The following SLC24A2 variants were observed in gnomAD, a reference collection of about 807,000 sequenced individuals.
SLC24A2 encodes the protein solute carrier family 24 member 2.
A neutral mutation model predicts 62.0 loss-of-function variants in SLC24A2; 36 were observed. That is an observed-to-expected ratio of 0.58 (90% CI 0.44 to 0.77). The LOEUF (loss-of-function observed/expected upper bound fraction) is 0.77, where lower values mean the gene tolerates loss of function less well. Ranked by LOEUF, SLC24A2 falls within the 30% of genes least tolerant of loss-of-function variation. SLC24A2 has a pLI of 0.00. For synonymous variants in SLC24A2, 358 were observed against 294.0 expected (o/e 1.22, Z -2.23); for missense variants, 846 against 817.9 (o/e 1.03, Z -0.42).
chr9:20,074,490 T>C, the SLC24A2 span, among the ~76,000 whole-genome samples: 1 of 151,318 alleles, frequency 6.6e-6, no homozygotes. Flanking sequence ...TTTGCAGCTA[T>C]AATTTGGCAG....
the SLC24A2 span, among the ~76,000 whole-genome samples, chr9:19,919,367 A>G: frequency 2.0e-5 from 3 of 152,170 alleles, no homozygotes; most frequent in South Asian, 2.1e-4. Context: ...GTTAAGCTCA[A>G]TCTTGGACAT....
At chr9:20,087,194 A>G in the SLC24A2 span, among the ~76,000 whole-genome samples, 1 of 152,228 alleles carries the variant, frequency 6.6e-6, no homozygotes, top group Non-Finnish European at 1.5e-5. Flanking sequence ...AAATGTGGAC[A>G]TTAATTAATT....
At chr9:20,268,823 C>A in the SLC24A2 span, among the ~76,000 whole-genome samples, 2 of 152,142 alleles carry the variant, frequency 1.3e-5, no homozygotes, top group Admixed American at 6.5e-5. Flanking sequence ...AGACTCATTG[C>A]AGGCAGTCTC....
chr9:20,177,619 G>A, the SLC24A2 span, among the ~76,000 whole-genome samples: 2 of 152,042 alleles, frequency 1.3e-5, no homozygotes, highest in South Asian at 2.1e-4. Context: ...AGTGTATCCT[G>A]GAGTAGCTAT....
At chr9:19,815,897 T>A in the SLC24A2 span, among the ~76,000 whole-genome samples, 1 of 151,632 alleles carries the variant, frequency 6.6e-6, no homozygotes, top group Non-Finnish European at 1.5e-5. Flanking sequence ...GGAGTATAAG[T>A]ATTAATAATT....
chr9:19,671,605 G>A (rs563487261), intron 2 of SLC24A2, among the ~76,000 whole-genome samples: 3 of 152,264 alleles, frequency 2.0e-5, no homozygotes, highest in Non-Finnish European at 4.4e-5. Flanking sequence ...AATAGAAGTA[G>A]TTAGAGTGGG....
At chr9:20,153,168 C>A in the SLC24A2 span, among the ~76,000 whole-genome samples, 1 of 151,900 alleles carries the variant, frequency 6.6e-6, no homozygotes, top group African/African-American at 2.4e-5. Context: ...TGCTCTGTAA[C>A]AATTTTTCTC....
chr9:19,935,090 C>A, the SLC24A2 span, among the ~76,000 whole-genome samples: 1 of 150,426 alleles, frequency 6.6e-6, no homozygotes, highest in Non-Finnish European at 1.5e-5. Flanking sequence ...TGTTGGTTCT[C>A]CCTTTAGTCA....
At chr9:20,300,245 T>G in the SLC24A2 span, among the ~76,000 whole-genome samples, 1 of 152,194 alleles carries the variant, frequency 6.6e-6, no homozygotes, top group African/African-American at 2.4e-5. Flanking sequence ...CCTTGAGCAT[T>G]TATCCTTTGT....
intron 2 of SLC24A2, among the ~76,000 whole-genome samples, chr9:19,653,660 T>C (rs1818862441): frequency 6.6e-6 from 1 of 152,232 alleles, no homozygotes; most frequent in Admixed American, 6.5e-5. Context: ...TAGACTTTTA[T>C]TCCAAGTCCT....
At position 19,786,017 on chromosome 9, in the gene SLC24A2, C is replaced by T. The variant is rs147283325; in HGVS notation, c.850G>A (p.Val284Ile). 1.9e-3 allele frequency: 3,005 copies of T among 1,614,030 alleles called. 6 individuals are homozygous for T. Among genetic ancestry groups the T allele is most frequent in the Non-Finnish European group, 2.3e-3 (2,742 of 1,179,934 alleles). ...FCYVVFMKFN[V>I]QVEKWVKQMI... ...TGCTTCACCCATTTTTCTACTTGGA[C>T]GTTGAATTTCATGAAAACCACATAG... Residue 284 changes from valine (V) to isoleucine (I), a missense_variant, in exon 2 of 11, where the codon GTC becomes ATC. By Grantham distance (29) the Val-to-Ile change is conservative. Coordinates refer to ENST00000341998, the MANE Select transcript of SLC24A2 (RefSeq NM_020344.4). This position sits in a 1 kb window ranked among gnomAD's most constrained non-coding sequence, Gnocchi z 5.0.
At chr9:20,025,572 T>C in the SLC24A2 span, among the ~76,000 whole-genome samples, 1 of 152,292 alleles carries the variant, frequency 6.6e-6, no homozygotes, top group South Asian at 2.1e-4. Context: ...TGCCCACACT[T>C]ATTAATCAGT....
chr9:19,786,988 T>A lies in SLC24A2; in HGVS notation c.-122A>T, dbSNP rs1165459080. ...GGGGTACTTTCACAATCAGGGATTG[T>A]TATGCTTCACAGGAAACTTTCATCA... On this transcript the variant is annotated 5_prime_UTR_variant, in exon 2 of 11. The change abolishes the stop of an existing upstream ORF in the 5' untranslated region. Coordinates refer to ENST00000341998, the MANE Select transcript of SLC24A2 (RefSeq NM_020344.4). The surrounding 1 kb of genome is among the most constrained non-coding windows in gnomAD (Gnocchi z 5.0). 2 of 1,458,090 alleles carry A rather than the reference T, an allele frequency of 1.4e-6. No homozygotes were observed. Among genetic ancestry groups the A allele is most frequent in the East Asian group, 4.6e-5 (2 of 43,180 alleles). The allele number at this position is 1,458,090 out of a possible 1,614,324, so 90.3% of individuals were successfully genotyped here.
chr9:19,820,018 TATATATACACATATATATATATAC>T, the SLC24A2 span, among the ~76,000 whole-genome samples: 4 of 98,312 alleles, frequency 4.1e-5, no homozygotes, highest in Non-Finnish European at 4.2e-5. Context: ...TGTATATATA[TATATATACACATATATATATATAC>T]ATATATATAT....
chr9:20,304,299 C>G, the SLC24A2 span, among the ~76,000 whole-genome samples: 3 of 152,040 alleles, frequency 2.0e-5, no homozygotes, highest in African/African-American at 7.3e-5. Context: ...GCCCCGGGAG[C>G]GGATTCTGCA....
At chr9:19,910,750 A>G in the SLC24A2 span, among the ~76,000 whole-genome samples, 9,239 of 152,098 alleles carry the variant, frequency 0.061, 426 homozygotes, top group Non-Finnish European at 0.094. Context: ...TTTTAGTTAC[A>G]TATAGTACTC....
At chr9:20,027,600 G>C in the SLC24A2 span, among the ~76,000 whole-genome samples, 1 of 152,118 alleles carries the variant, frequency 6.6e-6, no homozygotes, top group Non-Finnish European at 1.5e-5. Context: ...TAAAAATGTT[G>C]ATCTCATAGA....
the SLC24A2 span, among the ~76,000 whole-genome samples, chr9:20,177,908 G>C: frequency 0.44 from 67,137 of 151,896 alleles, 15,125 homozygotes; most frequent in Non-Finnish European, 0.46. Flanking sequence ...ATTGCCGAGG[G>C]GACACGCTCA....
intron 2 of SLC24A2, among the ~76,000 whole-genome samples, chr9:19,724,370 G>C (rs1337556957): frequency 6.6e-6 from 1 of 152,130 alleles, no homozygotes; most frequent in African/African-American, 2.4e-5. Context: ...GACACAATAA[G>C]AGCAAGTCAT....
Sources: gnomAD v4.1 joint callset for allele counts (sites outside exome capture counted in the v4.1 genomes callset) on GRCh38, gnomAD v4.1.1 for gene constraint, Gnocchi (gnomAD v3.1) non-coding constraint, MANE v1.5 for transcripts, NCBI Gene and HGNC (gene_info 2026-07-23, HGNC 2026-07-21) for gene names.